The following FAM91A1 variants were observed in gnomAD, a reference collection of about 807,000 sequenced individuals.
FAM91A1 encodes protein FAM91A1.
A neutral mutation model predicts 113.5 loss-of-function variants in FAM91A1; 41 were observed. The ratio of observed to expected loss-of-function variants is 0.36; its 90% CI spans 0.28 to 0.47. The LOEUF is 0.47. FAM91A1 is among the 20% of genes least tolerant of loss of function. The probability of loss-of-function intolerance (pLI) is 1.00; values close to 1 mark genes in which losing one functional copy is unlikely to be tolerated. For missense variants in FAM91A1, 696 were observed against 1,001.2 expected (o/e 0.70, Z 4.11); for synonymous variants, 307 against 347.9 (o/e 0.88, Z 1.31).
At position 123,789,662 on chromosome 8, in the gene FAM91A1, T is replaced by C. The variant is rs1298380907; in HGVS notation, c.1328T>C (p.Leu443Pro). ...GCACAGAGATATTTTGATCATGCACTTACTCTGAGAAACACAATACTGTTT... is the reference window on the plus strand; with the variant it reads ...GCACAGAGATATTTTGATCATGCACCTACTCTGAGAAACACAATACTGTTT... ...GEAQRYFDHA[L>P]TLRNTILFLR... is the part of the protein sequence containing the mutation. Residue 443 changes from leucine to proline, a missense_variant, in exon 15 of 24, where the codon CTT becomes CCT. Transcript: ENST00000334705. The C allele has an allele frequency of 6.2e-7, 1 of 1,612,420 alleles. No individual in the cohort carries two copies. Among genetic ancestry groups the C allele is most frequent in the Admixed American group, 1.7e-5 (1 of 59,994 alleles).
intron 2 of FAM91A1, 88 bp from the exon 3 acceptor site, chr8:123,775,059 A>T: frequency 7.9e-7 from 1 of 1,268,028 alleles, no homozygotes. Context: ...TTTTCTTTTA[A>T]ATTACTGTTG....
chr8:123,810,393 T>C, intron 23 of FAM91A1, 42 bp downstream of exon 23: 1 of 1,536,720 alleles, frequency 6.5e-7, no homozygotes, highest in Non-Finnish European at 9.0e-7. Flanking sequence ...TGTACTGAGC[T>C]TTAAGTATGC....
At chr8:123,811,475 G>A (rs1025341271) in intron 23 of FAM91A1, 1 of 152,170 alleles carries the variant, frequency 6.6e-6, no homozygotes, top group Non-Finnish European at 1.5e-5. Context: ...TGGCAGTGAA[G>A]GCCTTGGCCA....
Position 123,780,067 on chromosome 8 carries a change from T to C in FAM91A1, c.632T>C (p.Val211Ala). ...CTCTCTGGATCACTAGATTACAATG[T>C]AGTACATAGTAAGTGGTTAGTAGAA... Reference protein sequence around the residue: ...PQLSGSLDYNVVHSLYNKGFI... With the variant: ...PQLSGSLDYNAVHSLYNKGFI... The change falls in exon 7 of 24, where the codon GTA becomes GCA. Residue 211 changes from valine (V) to alanine (A), a missense_variant. By Grantham distance (64) the Val-to-Ala change is moderately conservative. Transcript: ENST00000334705. 3.1e-6 allele frequency: 5 copies of C among 1,612,072 alleles called. No homozygotes were observed. Among genetic ancestry groups the C allele is most frequent in the Non-Finnish European group, 4.2e-6 (5 of 1,178,976 alleles).
intron 23 of FAM91A1, 109 bp from the exon 24 acceptor site, chr8:123,812,407 TTGC>T: frequency 3.5e-5 from 27 of 779,402 alleles, no homozygotes; most frequent in South Asian, 1.9e-4. Context: ...CTGTACTGCT[TTGC>T]AATCCATAAA....
chr8:123,796,422 A>G (rs1815521259), intron 15 of FAM91A1, among the ~76,000 whole-genome samples: 1 of 151,860 alleles, frequency 6.6e-6, no homozygotes, highest in East Asian at 2.0e-4. Context: ...AAATAATGAA[A>G]GAGATTTTGG....
intron 7 of FAM91A1, 48 bp from the exon 8 acceptor site, chr8:123,780,432 A>G (rs750637616): frequency 5.0e-6 from 7 of 1,391,530 alleles, no homozygotes; most frequent in East Asian, 2.4e-5. Context: ...TAAAAAAATC[A>G]CTGTTGTGTA....
At chr8:123,785,208 C>T (rs1348624185) in intron 10 of FAM91A1, 89 bp downstream of exon 10, 10 of 1,078,974 alleles carry the variant, frequency 9.3e-6, no homozygotes, top group South Asian at 1.7e-5. Context: ...TACTGAGAAA[C>T]GAAGACATTG....
At chr8:123,777,461 A>AT (rs992739410) in intron 4 of FAM91A1, 139 bp downstream of exon 4, 1 of 709,448 alleles carries the variant, frequency 1.4e-6, no homozygotes, top group Non-Finnish European at 2.3e-6. Context: ...ATCAGTGAGA[A>AT]TTTTATCAGA....
rs995521629 is a variant in FAM91A1, at chr8:123,786,525, G to T, written c.993G>T (p.Leu331Phe). ...KSTLDPQKML[L>F]SWDGGESRSP... is the part of the protein sequence containing the mutation. ...CCTTAGATCCACAGAAGATGCTCTT[G>T]TCATGGGATGGAGGGGAAAGTAGGA... Residue 331 changes from leucine to phenylalanine, a missense_variant, in exon 12 of 24, where the codon TTG (leucine) becomes TTT (phenylalanine). Transcript: ENST00000334705. 6.2e-7 allele frequency: 1 copy of T among 1,613,924 alleles called. No individual in the cohort carries two copies. The highest frequency in any genetic ancestry group is 8.5e-7 in the Non-Finnish European group (1 of 1,179,942).
chr8:123,798,332 C>A, intron 16 of FAM91A1, 94 bp downstream of exon 16: 2 of 1,403,058 alleles, frequency 1.4e-6, no homozygotes, highest in Non-Finnish European at 1.9e-6. Flanking sequence ...ATTAAAATCA[C>A]TGAATCATAG....
chr8:123,773,316 C>T (rs1276324615), intron 1 of FAM91A1, among the ~76,000 whole-genome samples: 1 of 152,142 alleles, frequency 6.6e-6, no homozygotes, highest in Non-Finnish European at 1.5e-5. Flanking sequence ...CCTAAGATGT[C>T]TAATTTCACT....
At chr8:123,785,227 G>C in intron 10 of FAM91A1, 108 bp downstream of exon 10, 1 of 962,014 alleles carries the variant, frequency 1.0e-6, no homozygotes. Context: ...TGAGATTGTT[G>C]TTAGCTGTCT....
Position 123,768,787 on chromosome 8 carries a change from C to T in FAM91A1, c.72+13C>T. 1 of 1,609,680 alleles carries T rather than the reference C, an allele frequency of 6.2e-7. No homozygotes were observed. Among genetic ancestry groups the T allele is most frequent in the Non-Finnish European group, 8.5e-7 (1 of 1,178,076 alleles). ...CAACGTGAGACAGGTACGGCCGGAA[C>T]CTGGGACCGGGCCCCTGACGGATTC... is the stretch of plus-strand genomic sequence containing the variant. On this transcript the variant is annotated intron_variant, in intron 1 of 23. Coordinates refer to ENST00000334705, the MANE Select transcript of FAM91A1 (RefSeq NM_144963.4).
intron 12 of FAM91A1, 43 bp downstream of exon 12, chr8:123,786,653 C>T (rs761206699): frequency 1.3e-5 from 18 of 1,390,296 alleles, no homozygotes; most frequent in South Asian, 5.8e-5. Context: ...TCTGTAGGTA[C>T]GGCACATGTC....
intron 14 of FAM91A1, among the ~76,000 whole-genome samples, chr8:123,789,014 G>A (rs1375879451): frequency 6.6e-6 from 1 of 152,056 alleles, no homozygotes; most frequent in Non-Finnish European, 1.5e-5. Flanking sequence ...TTATTAAAAG[G>A]TGACTTATTC....
intron 18 of FAM91A1, among the ~76,000 whole-genome samples, chr8:123,800,425 AT>A (rs915860147): frequency 2.0e-5 from 3 of 152,168 alleles, no homozygotes; most frequent in African/African-American, 7.2e-5. Flanking sequence ...ATACTCACCT[AT>A]TTTCAGACCT....
intron 18 of FAM91A1, among the ~76,000 whole-genome samples, chr8:123,800,450 A>G (rs1316367053): frequency 1.3e-5 from 2 of 152,188 alleles, no homozygotes; most frequent in East Asian, 1.9e-4. Flanking sequence ...TTGACCACAG[A>G]TGATAACTAA....
chr8:123,780,611 C>G (rs957973310), intron 8 of FAM91A1, 69 bp downstream of exon 8: 3 of 1,254,004 alleles, frequency 2.4e-6, no homozygotes, highest in Non-Finnish European at 3.4e-6. Context: ...GCATATCATC[C>G]GTTCTAGGAT....
Sources: gnomAD v4.1 joint callset for allele counts (sites outside exome capture counted in the v4.1 genomes callset) on GRCh38, gnomAD v4.1.1 for gene constraint, MANE v1.5 for transcripts, NCBI Gene and HGNC (gene_info 2026-07-23, HGNC 2026-07-21) for gene names.